The following CHST9 variants were observed in gnomAD, a reference collection of about 807,000 sequenced individuals.
CHST9 encodes GalNAc-4-sulfotransferase 2.
In CHST9, 41 loss-of-function variants were observed where a neutral mutation model predicts 44.4. That is an observed-to-expected ratio of 0.92 (90% confidence interval 0.72 to 1.20). The LOEUF is 1.20. CHST9 is among the 50% of genes most tolerant of loss of function. CHST9 has a pLI of 0.00. For missense variants in CHST9, 504 were observed against 516.5 expected, an observed-to-expected ratio of 0.98 and a Z score of 0.23; for synonymous variants, 171 against 178.4, an observed-to-expected ratio of 0.96 and a Z score of 0.33.
chr18:27,041,104 A>T (rs987544974), intron 3 of CHST9, among the ~76,000 whole-genome samples: 5 of 152,168 alleles, frequency 3.3e-5, no homozygotes, highest in African/African-American at 1.2e-4. Flanking sequence ...AACTTCCACG[A>T]TAAATTAGTT....
chr18:27,095,572 C>T (rs1477123015), intron 2 of CHST9, among the ~76,000 whole-genome samples: 1 of 152,064 alleles, frequency 6.6e-6, no homozygotes, highest in Non-Finnish European at 1.5e-5. Flanking sequence ...CGCCAATAGG[C>T]TCAAAGCAAA....
chr18:27,125,252 A>AT lies in CHST9; in HGVS notation c.121+17436dup, dbSNP rs531392902. 2.3e-4 allele frequency among the ~76,000 whole-genome samples: 35 copies of AT among 152,360 alleles called. 2 individuals are homozygous for AT. In the East Asian group the frequency reaches 6.7e-3, roughly 29 times the overall value. ...TAATTTATACAAACTAGCTATTCAC[A>AT]TTAAATTAGTTATAAAAGTAATTTG... On this transcript the variant is annotated intron_variant, in intron 2 of 5. Coordinates refer to ENST00000618847, the MANE Select transcript of CHST9 (RefSeq NM_031422.6).
rs377432423 is a variant in CHST9 at position 27,129,073 on chromosome 18, A to C, written c.121+13616T>G. Reference sequence around the variant, plus strand: ...ATCATGCAGTAAGAAATGAAGCTAAAAGGTTGAGAAATAGTAGAGGAAAGT... The same window carrying C: ...ATCATGCAGTAAGAAATGAAGCTAACAGGTTGAGAAATAGTAGAGGAAAGT... On this transcript the variant is annotated intron_variant, in intron 2 of 5. Coordinates refer to ENST00000618847, the MANE Select transcript of CHST9 (RefSeq NM_031422.6). 2.2e-3 allele frequency among the ~76,000 whole-genome samples: 329 copies of C among 152,204 alleles called. 2 individuals carry two copies. Among genetic ancestry groups the C allele is most frequent in the African/African-American group, 7.7e-3 (319 of 41,470 alleles).
At chr18:27,103,872 A>C (rs1206590803) in intron 2 of CHST9, among the ~76,000 whole-genome samples, 2 of 152,312 alleles carry the variant, frequency 1.3e-5, no homozygotes, top group Non-Finnish European at 2.9e-5. Flanking sequence ...TAAAGAGTAC[A>C]GAGAAGCAAG....
chr18:27,026,567 C>A (rs2057287403), intron 3 of CHST9, among the ~76,000 whole-genome samples: 1 of 152,088 alleles, frequency 6.6e-6, no homozygotes, highest in Admixed American at 6.6e-5. Flanking sequence ...TTAACTATAT[C>A]TTTTAAATCA....
chr18:26,916,384 C>T lies in CHST9; in HGVS notation c.1207G>A (p.Glu403Lys). 2 of 1,613,798 alleles carry T rather than the reference C, an allele frequency of 1.2e-6. No homozygotes were observed. Among genetic ancestry groups the T allele is most frequent in the Non-Finnish European group, 8.5e-7 (1 of 1,179,718 alleles). ...CTCACGACTTGAGCATTGGTTCTTTCATCGGAAGAGTGCCTATCCTTAAAG... is the reference window on the plus strand; with the variant it reads ...CTCACGACTTGAGCATTGGTTCTTTTATCGGAAGAGTGCCTATCCTTAAAG... ...PNFKDRHSSD[E>K]RTNAQVVRQY... Residue 403 changes from glutamate (E) to lysine (K), a missense_variant, in exon 6 of 6, where the codon GAA (glutamate) becomes AAA (lysine). Physicochemically the swap from Glu to Lys is moderately conservative, Grantham distance 56. Transcript: ENST00000618847.
chr18:27,032,419 T>C (rs2057350912), intron 3 of CHST9, among the ~76,000 whole-genome samples: 1 of 152,228 alleles, frequency 6.6e-6, no homozygotes, highest in African/African-American at 2.4e-5. Context: ...GTAATACTAC[T>C]AATAAAAATA....
intron 2 of CHST9, among the ~76,000 whole-genome samples, chr18:27,090,727 G>C (rs936077462): frequency 6.6e-6 from 1 of 152,020 alleles, no homozygotes; most frequent in South Asian, 2.1e-4. Flanking sequence ...TCTTGTTTTT[G>C]TCAGGTTTGT....
chr18:27,042,735 C>G (rs898301996), intron 3 of CHST9, among the ~76,000 whole-genome samples: 1 of 152,000 alleles, frequency 6.6e-6, no homozygotes, highest in African/African-American at 2.4e-5. Context: ...CATCAGTTCC[C>G]CAACTTAATG....
At chr18:27,006,494 T>C (rs1166248144) in intron 4 of CHST9, among the ~76,000 whole-genome samples, 2 of 152,174 alleles carry the variant, frequency 1.3e-5, no homozygotes, top group East Asian at 3.8e-4. Flanking sequence ...TTGGCCTGTT[T>C]AATTATTTAA....
chr18:26,967,625 C>T (rs1209312201), intron 4 of CHST9, among the ~76,000 whole-genome samples: 6 of 152,098 alleles, frequency 3.9e-5, no homozygotes, highest in East Asian at 1.9e-4. Flanking sequence ...TATATTCTAT[C>T]GGTTAAATTC....
chr18:26,967,716 T>A (rs569721478), intron 4 of CHST9, among the ~76,000 whole-genome samples: 1 of 152,314 alleles, frequency 6.6e-6, no homozygotes, highest in Admixed American at 6.5e-5. Context: ...GGATGCAAAG[T>A]ATTGTTGTTC....
chr18:27,123,199 A>G (rs1237051630), intron 2 of CHST9, among the ~76,000 whole-genome samples: 2 of 152,204 alleles, frequency 1.3e-5, no homozygotes, highest in Non-Finnish European at 2.9e-5. Context: ...GAAAATGACC[A>G]CAGCATGGAT....
chr18:27,034,199 A>G (rs2057368619), intron 3 of CHST9, among the ~76,000 whole-genome samples: 1 of 152,144 alleles, frequency 6.6e-6, no homozygotes, highest in Admixed American at 6.5e-5. Flanking sequence ...AGCTAATAGT[A>G]TTATTCACCA....
intron 4 of CHST9, among the ~76,000 whole-genome samples, chr18:26,995,521 G>A (rs571825377): frequency 5.3e-5 from 8 of 151,240 alleles, no homozygotes; most frequent in East Asian, 1.9e-4. Context: ...CTGGATTCCC[G>A]ACCCACAGAA....
intron 4 of CHST9, among the ~76,000 whole-genome samples, chr18:26,971,354 G>A (rs375929866): frequency 2.6e-5 from 4 of 152,158 alleles, no homozygotes; most frequent in Non-Finnish European, 5.9e-5. Flanking sequence ...TAAAGACAGA[G>A]AAATTCACTC....
intron 2 of CHST9, among the ~76,000 whole-genome samples, chr18:27,078,285 G>T (rs1000373607): frequency 1.3e-5 from 2 of 152,026 alleles, no homozygotes; most frequent in African/African-American, 4.8e-5. Context: ...CCCAACTGAG[G>T]TTCATTATGA....
At chr18:27,050,429 C>T (rs1334735915) in intron 2 of CHST9, among the ~76,000 whole-genome samples, 1 of 152,078 alleles carries the variant, frequency 6.6e-6, no homozygotes, top group Non-Finnish European at 1.5e-5. Flanking sequence ...ATCAACATTC[C>T]ACAGCTGGAG....
chr18:27,177,863 A>G (rs1002293942), intron 1 of CHST9, among the ~76,000 whole-genome samples: 1 of 152,034 alleles, frequency 6.6e-6, no homozygotes, highest in African/African-American at 2.4e-5. Context: ...CCATACAAAA[A>G]TAAAAAGCAG....
Sources: allele counts gnomAD v4.1 joint callset (sites outside exome capture counted in the v4.1 genomes callset), GRCh38; gene constraint gnomAD v4.1.1; transcripts MANE v1.5; gene names NCBI Gene and HGNC (gene_info 2026-07-23, HGNC 2026-07-21).